Variants in NRXN1 observed in about 807,000 individuals in gnomAD.
The protein encoded by NRXN1 is neurexin 1.
In NRXN1, 39 loss-of-function variants were observed where a neutral mutation model predicts 150.9. The ratio of observed to expected loss-of-function variants is 0.26; its 90% confidence interval spans 0.20 to 0.34. The LOEUF is 0.34. Among genes scored for constraint, NRXN1 ranks in the 10% least tolerant of loss-of-function variants. The pLI, the probability that NRXN1 is intolerant of heterozygous loss-of-function variation, is 1.00. For synonymous variants in NRXN1, 924 were observed against 757.0 expected (o/e 1.22, Z -3.62); for missense variants, 1,815 against 1,949.9 (o/e 0.93, Z 1.30).
At chr2:50,603,733 GACCT>G (rs1676651706) in intron 8 of NRXN1, among the ~76,000 whole-genome samples, 1 of 152,064 alleles carries the variant, frequency 6.6e-6, no homozygotes, top group Admixed American at 6.6e-5. Flanking sequence ...TGTAGAGAGG[GACCT>G]TAAGGTACAC....
At chr2:50,210,524 T>A (rs889701726) in intron 18 of NRXN1, among the ~76,000 whole-genome samples, 2 of 151,812 alleles carry the variant, frequency 1.3e-5, no homozygotes, top group African/African-American at 4.8e-5. Flanking sequence ...TAATTTTGAA[T>A]AATCACTGAT....
At chr2:50,287,643 C>A (rs2072365014) in intron 17 of NRXN1, among the ~76,000 whole-genome samples, 1 of 152,038 alleles carries the variant, frequency 6.6e-6, no homozygotes, top group Non-Finnish European at 1.5e-5. Flanking sequence ...CATTAGGGTA[C>A]AAATGTATTA....
chr2:50,986,653 C>G (rs1479005466), intron 2 of NRXN1, among the ~76,000 whole-genome samples: 1 of 151,622 alleles, frequency 6.6e-6, no homozygotes, highest in Non-Finnish European at 1.5e-5. Context: ...CTTATGCAAA[C>G]TACATATCTG....
intron 21 of NRXN1, among the ~76,000 whole-genome samples, chr2:49,956,698 T>C (rs976795155): frequency 2.0e-5 from 3 of 152,154 alleles, no homozygotes; most frequent in Non-Finnish European, 4.4e-5. Flanking sequence ...GTTATTATTA[T>C]ATGATTCCAT....
chr2:50,192,688 C>T (rs1306136732), intron 18 of NRXN1, among the ~76,000 whole-genome samples: 1 of 152,094 alleles, frequency 6.6e-6, no homozygotes, highest in Non-Finnish European at 1.5e-5. Flanking sequence ...CTCACTGCAA[C>T]CTCCTCCTCC....
chr2:51,014,214 T>G (rs912429412), intron 2 of NRXN1, among the ~76,000 whole-genome samples: 1 of 152,010 alleles, frequency 6.6e-6, no homozygotes, highest in Non-Finnish European at 1.5e-5. Context: ...TGGAAGAGCA[T>G]TAGCCAGCTG....
chr2:49,925,287 A>AC (rs1203848941), intron 22 of NRXN1, among the ~76,000 whole-genome samples: 1 of 151,676 alleles, frequency 6.6e-6, no homozygotes, highest in Non-Finnish European at 1.5e-5. Flanking sequence ...CAACCAAAAA[A>AC]AAAAAAAAAA....
At chr2:50,935,323 G>A (rs894997415) in intron 2 of NRXN1, among the ~76,000 whole-genome samples, 1 of 152,136 alleles carries the variant, frequency 6.6e-6, no homozygotes, top group African/African-American at 2.4e-5. Context: ...GATAAATGGA[G>A]CAGTTCACAC....
intron 5 of NRXN1, among the ~76,000 whole-genome samples, chr2:50,737,715 G>T (rs1003544020): frequency 1.3e-5 from 2 of 151,962 alleles, no homozygotes; most frequent in Non-Finnish European, 2.9e-5. Context: ...ATATACCAGG[G>T]TAAAACTTTG....
chr2:50,182,585 C>T (rs953490671), intron 18 of NRXN1, among the ~76,000 whole-genome samples: 1 of 152,102 alleles, frequency 6.6e-6, no homozygotes, highest in South Asian at 2.1e-4. Context: ...TAATGCTACA[C>T]GTTGTTATTG....
intron 5 of NRXN1, among the ~76,000 whole-genome samples, chr2:50,750,331 T>C (rs1252733023): frequency 7.0e-6 from 1 of 142,184 alleles, no homozygotes; most frequent in African/African-American, 2.7e-5. Context: ...TTTTTTGAAT[T>C]AGTTGTCAGT....
intron 18 of NRXN1, among the ~76,000 whole-genome samples, chr2:50,094,167 G>A (rs1459130693): frequency 6.6e-6 from 1 of 152,176 alleles, no homozygotes; most frequent in Non-Finnish European, 1.5e-5. Flanking sequence ...AGTTTCAGCT[G>A]AGATGTTAAC....
intron 18 of NRXN1, among the ~76,000 whole-genome samples, chr2:50,167,323 T>G (rs2059748244): frequency 6.6e-6 from 1 of 152,146 alleles, no homozygotes; most frequent in African/African-American, 2.4e-5. Flanking sequence ...TCCTAGGAAT[T>G]TAATTATCCT....
At chr2:50,060,553 T>C (rs1033463984) in intron 19 of NRXN1, among the ~76,000 whole-genome samples, 4 of 152,054 alleles carry the variant, frequency 2.6e-5, no homozygotes, top group African/African-American at 9.7e-5. Context: ...GGCATGAGAT[T>C]TGGGAGGGGC....
chr2:50,490,555 G>C (rs2091192353), intron 15 of NRXN1, among the ~76,000 whole-genome samples: 1 of 152,196 alleles, frequency 6.6e-6, no homozygotes, highest in East Asian at 1.9e-4. Context: ...TGGAAAGTGA[G>C]ATGAAGCAGT....
intron 8 of NRXN1, among the ~76,000 whole-genome samples, chr2:50,591,438 A>G (rs1040890202): frequency 6.9e-5 from 10 of 145,656 alleles, no homozygotes; most frequent in African/African-American, 2.5e-4. Flanking sequence ...ATAGATAGAT[A>G]GATGTATACT....
At chr2:50,805,992 C>A (rs1257751160) in intron 5 of NRXN1, among the ~76,000 whole-genome samples, 1 of 152,134 alleles carries the variant, frequency 6.6e-6, no homozygotes, top group African/African-American at 2.4e-5. Context: ...CATATTCATC[C>A]TTTAAGTACG....
At position 50,084,495 on chromosome 2, in the gene NRXN1, G is replaced by A. The variant is rs1335745239; in HGVS notation, c.3718+6828C>T. ...CCGGGGCCCACAGGGCCGGCCGGCC[G>A]CTGCAAGTGCAGGGCCCACCAAGCC... On this transcript the variant is annotated intron_variant, in intron 19 of 22. Coordinates refer to ENST00000401669, the MANE Select transcript of NRXN1 (RefSeq NM_001330078.2). 3.9e-5 allele frequency among the ~76,000 whole-genome samples: 6 copies of A among 152,190 alleles called. No homozygotes were observed. In the South Asian group the frequency reaches 6.2e-4, roughly 16 times the overall value.
chr2:51,009,957 A>C (rs1448836408), intron 2 of NRXN1, among the ~76,000 whole-genome samples: 2 of 151,900 alleles, frequency 1.3e-5, no homozygotes, highest in Non-Finnish European at 1.5e-5. Flanking sequence ...AATTATACAA[A>C]CTTTAAATCC....
Sources: gnomAD v4.1 joint callset for allele counts (sites outside exome capture counted in the v4.1 genomes callset) on GRCh38, gnomAD v4.1.1 for gene constraint, MANE v1.5 for transcripts, NCBI Gene and HGNC (gene_info 2026-07-23, HGNC 2026-07-21) for gene names.